Variants in RNF38 observed in about 807,000 individuals in gnomAD.
The protein encoded by RNF38 is ring finger protein 38, also known as E3 ubiquitin-protein ligase RNF38.
Under a neutral mutation model 67.2 loss-of-function variants are expected in RNF38, and 15 were observed. That is an observed-to-expected ratio of 0.22 (90% confidence interval 0.15 to 0.34). The LOEUF is 0.34. Among genes scored for constraint, RNF38 ranks in the 10% least tolerant of loss-of-function variants. RNF38 has a pLI of 1.00. For synonymous variants in RNF38, 220 were observed against 218.8 expected, an observed-to-expected ratio of 1.01 and a Z score of -0.05; for missense variants, 524 against 639.9, an observed-to-expected ratio of 0.82 and a Z score of 1.95.
intron 2 of RNF38, among the ~76,000 whole-genome samples, chr9:36,416,385 C>T (rs1443318197): frequency 2.0e-5 from 3 of 152,228 alleles, no homozygotes; most frequent in Middle Eastern, 3.4e-3. Context: ...TCCCACCATG[C>T]CCTGACAACA....
At chr9:36,402,998 CTA>C (rs1838092730), upstream of RNF38, among the ~76,000 whole-genome samples, 2 of 152,180 alleles carry the variant, frequency 1.3e-5, no homozygotes, top group East Asian at 3.9e-4. Flanking sequence ...GCAGGTCTCA[CTA>C]TGTTGCCCAG....
rs1160662486 is a variant in RNF38 at position 36,343,189 on chromosome 9, G to T, written c.1386-765C>A. On this transcript the variant is annotated intron_variant, in intron 10 of 11. Coordinates refer to ENST00000259605, the MANE Select transcript of RNF38 (RefSeq NM_022781.5). Reference sequence around the variant, plus strand: ...CAATCTTTGGTTGGTTGAATACAGAGGGCTTAGTGTAGGCTGAAATAAACC... The same window carrying T: ...CAATCTTTGGTTGGTTGAATACAGATGGCTTAGTGTAGGCTGAAATAAACC... Among the ~76,000 whole-genome samples the T allele has an allele frequency of 3.9e-5, 6 of 152,114 alleles. 1 individual carries two copies.
intron 1 of RNF38, among the ~76,000 whole-genome samples, chr9:36,434,081 C>A (rs1030556970): frequency 9.9e-5 from 15 of 151,120 alleles, no homozygotes; most frequent in Non-Finnish European, 1.9e-4. Flanking sequence ...ACTAAAAATA[C>A]AAAAATTAGC....
At chr9:36,416,882 A>T (rs1838488818) in intron 2 of RNF38, among the ~76,000 whole-genome samples, 1 of 149,596 alleles carries the variant, frequency 6.7e-6, no homozygotes, top group Admixed American at 6.8e-5. Flanking sequence ...CTGCCTAAGT[A>T]GCTGGGATTA....
chr9:36,468,977 T>C (rs1839930811), intron 1 of RNF38, among the ~76,000 whole-genome samples: 1 of 152,046 alleles, frequency 6.6e-6, no homozygotes, highest in Non-Finnish European at 1.5e-5. Context: ...CTGGGCATGG[T>C]GGCAGGTGCC....
chr9:36,471,571 GAAGTGATCGCCTGAGCCC>G (rs771558464), intron 1 of RNF38, among the ~76,000 whole-genome samples: 4 of 152,186 alleles, frequency 2.6e-5, no homozygotes, highest in Admixed American at 1.3e-4. Flanking sequence ...TCCAGAGACT[GAAGTGATCGCCTGAGCCC>G]AGGAGTTCCA....
chr9:36,401,728 A>C (rs938418249), upstream of RNF38, among the ~76,000 whole-genome samples: 6 of 152,210 alleles, frequency 3.9e-5, no homozygotes, highest in African/African-American at 9.6e-5. Flanking sequence ...AGACTTAAGG[A>C]GAGAGGGCAG....
In RNF38 at chr9:36,362,867, C is replaced by T. The variant is rs1171752666; in HGVS notation, c.571-4925G>A. 6.5e-4 allele frequency among the ~76,000 whole-genome samples: 97 copies of T among 149,950 alleles called. 1 individual carries two copies. The highest frequency in any genetic ancestry group is 1.0e-3 in the Non-Finnish European group (68 of 67,330). ...CAGGATGGTCTCGATCTCCTGACCT[C>T]GTGATCTGTCCGCCTCGGCCTCCCA... On this transcript the variant is annotated intron_variant, in intron 4 of 11. Transcript: ENST00000259605.
At chr9:36,394,718 A>G (rs1323429338) in intron 1 of RNF38, among the ~76,000 whole-genome samples, 1 of 152,198 alleles carries the variant, frequency 6.6e-6, no homozygotes, top group Non-Finnish European at 1.5e-5. Flanking sequence ...AGTCTATCGA[A>G]TTCTAAGGTT....
chr9:36,459,610 G>A (rs937064412), intron 1 of RNF38, among the ~76,000 whole-genome samples: 1 of 152,120 alleles, frequency 6.6e-6, no homozygotes, highest in African/African-American at 2.4e-5. Flanking sequence ...GAGTGTGCAA[G>A]AGAAGAGTAT....
At chr9:36,415,764 GT>G (rs1838448376) in intron 2 of RNF38, among the ~76,000 whole-genome samples, 1 of 152,156 alleles carries the variant, frequency 6.6e-6, no homozygotes, top group Non-Finnish European at 1.5e-5. Flanking sequence ...GTTTTGTTTA[GT>G]GCACTGGTTT....
intron 4 of RNF38, among the ~76,000 whole-genome samples, chr9:36,360,823 T>C (rs953891023): frequency 4.6e-5 from 7 of 152,166 alleles, no homozygotes; most frequent in Non-Finnish European, 7.3e-5. Flanking sequence ...CACACACATT[T>C]TTTTTGAGAC....
At chr9:36,446,869 C>A (rs1336054811) in intron 1 of RNF38, among the ~76,000 whole-genome samples, 1 of 141,156 alleles carries the variant, frequency 7.1e-6, no homozygotes, top group African/African-American at 2.7e-5. Context: ...GCTTGTAATC[C>A]CAGCACTTTG....
intron 2 of RNF38, among the ~76,000 whole-genome samples, chr9:36,416,740 A>ATTTTTTTTTTTT (rs1491451376): frequency 6.8e-5 from 5 of 73,048 alleles, no homozygotes; most frequent in African/African-American, 2.7e-4. Context: ...TGCTGCCTCG[A>ATTTTTTTTTTTT]TATTTTTTTT....
chr9:36,361,376 G>A (rs2133643922), intron 4 of RNF38, among the ~76,000 whole-genome samples: 1 of 151,198 alleles, frequency 6.6e-6, no homozygotes, highest in South Asian at 2.1e-4. Context: ...TGTTAGCCAG[G>A]ATGGTCTCGA....
chr9:36,386,897 G>T (rs1464798567), intron 2 of RNF38, among the ~76,000 whole-genome samples: 4 of 152,182 alleles, frequency 2.6e-5, no homozygotes. Flanking sequence ...CTGCCTCCCG[G>T]ATTCAAGCGA....
chr9:36,435,138 C>T (rs1287897637), intron 1 of RNF38, among the ~76,000 whole-genome samples: 1 of 152,196 alleles, frequency 6.6e-6, no homozygotes, highest in Non-Finnish European at 1.5e-5. Flanking sequence ...TGTATAGAAA[C>T]TGATCACACT....
chr9:36,392,492 T>G (rs1837187922), intron 1 of RNF38, among the ~76,000 whole-genome samples: 1 of 152,146 alleles, frequency 6.6e-6, no homozygotes, highest in Non-Finnish European at 1.5e-5. Flanking sequence ...ATCTCAACCC[T>G]TTGGGAGGCC....
At chr9:36,341,153 T>C (rs1587450644) in intron 11 of RNF38, among the ~76,000 whole-genome samples, 1 of 152,224 alleles carries the variant, frequency 6.6e-6, no homozygotes, top group African/African-American at 2.4e-5. Flanking sequence ...AGCCGCTCAT[T>C]GATTTTATCT....
Sources: allele counts gnomAD v4.1 joint callset (sites outside exome capture counted in the v4.1 genomes callset), GRCh38; gene constraint gnomAD v4.1.1; transcripts MANE v1.5; gene names NCBI Gene and HGNC (gene_info 2026-07-23, HGNC 2026-07-21).